Variants in ASNS observed in about 807,000 individuals in gnomAD.
The protein encoded by ASNS is asparagine synthetase (glutamine-hydrolyzing), also known as asparagine synthetase [glutamine-hydrolyzing].
In ASNS, 37 loss-of-function variants were observed where a neutral mutation model predicts 62.6. The observed-to-expected ratio is 0.59, with a 90% CI of 0.45 to 0.78. ASNS has a LOEUF of 0.78. Ranked by LOEUF, ASNS falls within the 30% of genes least tolerant of loss-of-function variation. The probability of loss-of-function intolerance (pLI) is 0.00; values close to 1 mark genes in which losing one functional copy is unlikely to be tolerated. For synonymous variants in ASNS, 207 were observed against 237.9 expected, an observed-to-expected ratio of 0.87 and a Z score of 1.19; for missense variants, 520 against 682.4, an observed-to-expected ratio of 0.76 and a Z score of 2.65.
At chr7:97,854,538 GT>G (rs552985477) in intron 10 of ASNS, 41 bp downstream of exon 10, 3 of 1,587,382 alleles carry the variant, frequency 1.9e-6, no homozygotes, top group East Asian at 2.2e-5. Flanking sequence ...TGTTTTTGGT[GT>G]TTTTTTGTTT....
intron 1 of ASNS, among the ~76,000 whole-genome samples, chr7:97,870,860 G>C (rs1405653178): frequency 6.6e-6 from 1 of 151,948 alleles, no homozygotes; most frequent in African/African-American, 2.4e-5. Context: ...AAACTGGAGG[G>C]GAAAAAGGGA....
At chr7:97,876,296 C>A (rs1472911326), upstream of ASNS, among the ~76,000 whole-genome samples, 1 of 152,150 alleles carries the variant, frequency 6.6e-6, no homozygotes, top group Non-Finnish European at 1.5e-5. Flanking sequence ...GCTGTGTGAC[C>A]GTCACCTTTG....
chr7:97,859,620 A>T (rs1280437870), intron 4 of ASNS, among the ~76,000 whole-genome samples: 1 of 152,208 alleles, frequency 6.6e-6, no homozygotes, highest in African/African-American at 2.4e-5. Context: ...AATTACACTA[A>T]CTTTTCGTAA....
the ASNS span, chr7:97,912,949 A>T: frequency 6.6e-6 from 1 of 152,044 alleles, no homozygotes; most frequent in Non-Finnish European, 1.5e-5. Context: ...AGGAAACATC[A>T]CAGACAAAGA....
upstream of ASNS, among the ~76,000 whole-genome samples, chr7:97,873,139 G>A (rs1251976272): frequency 6.6e-6 from 1 of 152,200 alleles, no homozygotes; most frequent in Non-Finnish European, 1.5e-5. Flanking sequence ...AACATTTTAA[G>A]TACAAAGATT....
upstream of ASNS, among the ~76,000 whole-genome samples, chr7:97,876,429 AT>A (rs56382958): frequency 0.018 from 2,441 of 137,164 alleles, 46 homozygotes; most frequent in African/African-American, 0.051. Context: ...ACTCAAACAT[AT>A]TTTTTTTTTT....
At chr7:97,866,216 A>G (rs1379120370) in intron 3 of ASNS, among the ~76,000 whole-genome samples, 1 of 152,232 alleles carries the variant, frequency 6.6e-6, no homozygotes, top group Non-Finnish European at 1.5e-5. Context: ...ATAAAAATGT[A>G]AAGCAAAGGG....
the ASNS span, among the ~76,000 whole-genome samples, chr7:97,919,679 G>T: frequency 6.6e-6 from 1 of 152,166 alleles, no homozygotes; most frequent in African/African-American, 2.4e-5. Flanking sequence ...CAGGAGGATG[G>T]TCTGAGGGAT....
chr7:97,899,098 C>T, the ASNS span: 3 of 493,450 alleles, frequency 6.1e-6, no homozygotes, highest in Non-Finnish European at 1.1e-5. Flanking sequence ...TTTCATAAGG[C>T]ACTTGTTCTT....
chr7:97,885,689 A>T, the ASNS span, among the ~76,000 whole-genome samples: 3 of 152,394 alleles, frequency 2.0e-5, no homozygotes, highest in Non-Finnish European at 2.9e-5. Context: ...ACCACATTTT[A>T]AAAAGTAAAA....
At chr7:97,878,368 C>T in the ASNS span, among the ~76,000 whole-genome samples, 4 of 152,124 alleles carry the variant, frequency 2.6e-5, no homozygotes, top group Non-Finnish European at 4.4e-5. Context: ...GAGTCGTGAT[C>T]GATTGACCAA....
At chr7:97,888,976 C>T in the ASNS span, among the ~76,000 whole-genome samples, 3 of 152,160 alleles carry the variant, frequency 2.0e-5, no homozygotes, top group East Asian at 1.9e-4. Context: ...CAGCCTGCCA[C>T]GCACACCACC....
At chr7:97,858,491 C>T (rs377402852) in intron 6 of ASNS, 86 bp from the exon 7 acceptor site, 38 of 1,499,768 alleles carry the variant, frequency 2.5e-5, no homozygotes, top group East Asian at 2.1e-4. Context: ...TGATAAACAC[C>T]AAGATCATAG....
intron 4 of ASNS, among the ~76,000 whole-genome samples, chr7:97,861,346 C>T (rs1042551014): frequency 1.2e-4 from 18 of 152,100 alleles, no homozygotes; most frequent in African/African-American, 3.6e-4. Context: ...TTTTTGTATA[C>T]GATGTTGGGT....
At chr7:97,890,293 C>T in the ASNS span, among the ~76,000 whole-genome samples, 1 of 152,108 alleles carries the variant, frequency 6.6e-6, no homozygotes, top group Non-Finnish European at 1.5e-5. Flanking sequence ...AAAATAATAA[C>T]TGAAAACTTC....
the ASNS span, among the ~76,000 whole-genome samples, chr7:97,891,832 C>T: frequency 1.3e-5 from 2 of 152,142 alleles, no homozygotes; most frequent in East Asian, 1.9e-4. Flanking sequence ...GCTCCTTTCA[C>T]GGGTTGGCAT....
the ASNS span, among the ~76,000 whole-genome samples, chr7:97,911,404 C>T: frequency 5.3e-5 from 8 of 151,494 alleles, no homozygotes; most frequent in African/African-American, 1.9e-4. Context: ...TTTGGGAGGC[C>T]GAGGTGGATG....
rs544971541 is a variant in ASNS, at chr7:97,856,301, T to C, written c.1030+389A>G. 2.0e-5 allele frequency among the ~76,000 whole-genome samples: 3 copies of C among 152,368 alleles called. No individual in the cohort carries two copies. The South Asian group carries it at 6.2e-4, about 32-fold the overall frequency. On this transcript the variant is annotated intron_variant, in intron 8 of 12. Transcript: ENST00000394308. ...CAATGATAGCTAGTGACTGGTAAGT[T>C]GTGTGATGGAATATATCTAAAATGA...
the ASNS span, among the ~76,000 whole-genome samples, chr7:97,919,838 G>C: frequency 6.6e-6 from 1 of 151,438 alleles, no homozygotes; most frequent in Admixed American, 6.6e-5. Context: ...TGAACACAAG[G>C]AAAAGGAAAG....
Sources: gnomAD v4.1 joint callset for allele counts (sites outside exome capture counted in the v4.1 genomes callset) on GRCh38, gnomAD v4.1.1 for gene constraint, MANE v1.5 for transcripts, NCBI Gene and HGNC (gene_info 2026-07-23, HGNC 2026-07-21) for gene names.